Variants in LIMCH1 observed in about 807,000 individuals in gnomAD.
LIMCH1 encodes LIM and calponin homology domains-containing protein 1.
A neutral mutation model predicts 176.5 loss-of-function variants in LIMCH1; 113 were observed. That is an observed-to-expected ratio of 0.64 (90% CI 0.55 to 0.75). The LOEUF (loss-of-function observed/expected upper bound fraction) is 0.75, where lower values mean the gene tolerates loss of function less well. LIMCH1 is among the 30% of genes least tolerant of loss of function. The pLI is 0.00. For missense variants in LIMCH1, 1,674 were observed against 1,814.9 expected (o/e 0.92, Z 1.41); for synonymous variants, 619 against 645.9 (o/e 0.96, Z 0.63).
At chr4:41,603,316 T>TG (rs1479867709) in intron 2 of LIMCH1, among the ~76,000 whole-genome samples, 1 of 152,234 alleles carries the variant, frequency 6.6e-6, no homozygotes, top group Non-Finnish European at 1.5e-5. Flanking sequence ...TATTTGAGCA[T>TG]GCATGTGTGT....
chr4:41,498,297 C>T (rs1303859044), intron 2 of LIMCH1, among the ~76,000 whole-genome samples: 3 of 152,060 alleles, frequency 2.0e-5, no homozygotes, highest in East Asian at 3.9e-4. Flanking sequence ...AATGGAATAC[C>T]CTCAAAATCA....
chr4:41,579,826 T>C (rs760667467), intron 1 of LIMCH1, among the ~76,000 whole-genome samples: 1 of 152,226 alleles, frequency 6.6e-6, no homozygotes, highest in Non-Finnish European at 1.5e-5. Context: ...TGTAGCGGTC[T>C]GTTTGTTTCT....
intron 7 of LIMCH1, among the ~76,000 whole-genome samples, chr4:41,621,647 G>A (rs531839702): frequency 5.9e-5 from 9 of 152,052 alleles, no homozygotes; most frequent in South Asian, 2.1e-4. Context: ...GATTACAAGC[G>A]TGTACCACCA....
chr4:41,678,523 C>T (rs775723871), intron 23 of LIMCH1, among the ~76,000 whole-genome samples: 2 of 152,164 alleles, frequency 1.3e-5, no homozygotes, highest in Non-Finnish European at 2.9e-5. Context: ...TGGTGAACAG[C>T]CAAGAGTCAG....
At chr4:41,571,150 G>A (rs370767626) in intron 1 of LIMCH1, among the ~76,000 whole-genome samples, 2 of 152,062 alleles carry the variant, frequency 1.3e-5, no homozygotes, top group Non-Finnish European at 1.5e-5. Flanking sequence ...AGGAGAGAAT[G>A]TGTGGCTCAG....
intron 13 of LIMCH1, among the ~76,000 whole-genome samples, chr4:41,634,764 T>C (rs1240084286): frequency 1.3e-5 from 2 of 152,168 alleles, no homozygotes; most frequent in African/African-American, 4.8e-5. Flanking sequence ...GTTGAAGGAA[T>C]CTATGTTAGC....
intron 1 of LIMCH1, among the ~76,000 whole-genome samples, chr4:41,587,449 C>T (rs745753396): frequency 9.9e-5 from 15 of 152,096 alleles, no homozygotes; most frequent in Non-Finnish European, 1.6e-4. Context: ...GACGGGGTGC[C>T]AGCCTTCAAT....
rs766825045 is a variant in LIMCH1 at position 41,629,614 on chromosome 4, A to G, written c.1151A>G (p.Gln384Arg). 2.0e-6 allele frequency: 3 copies of G among 1,536,106 alleles called. No individual in the cohort carries two copies. The South Asian group carries it at 3.6e-5, about 18-fold the overall frequency. ...VPDLHKDDLA[Q>R]QRIQGSLAPH... Reference sequence around the variant, plus strand: ...GATCTTCACAAGGATGACCTGGCCCAGCAGAGAATTCAGGGCAGCCTTGCC... The same window carrying G: ...GATCTTCACAAGGATGACCTGGCCCGGCAGAGAATTCAGGGCAGCCTTGCC... Residue 384 changes from glutamine to arginine, a missense_variant, in exon 9 of 32, where the codon CAG (glutamine) becomes CGG (arginine). Transcript: ENST00000503057.
chr4:41,505,432 A>G (rs746693259), intron 2 of LIMCH1, among the ~76,000 whole-genome samples: 1 of 152,186 alleles, frequency 6.6e-6, no homozygotes, highest in Non-Finnish European at 1.5e-5. Flanking sequence ...GTGATCAAAA[A>G]CTGGGCAAGA....
At chr4:41,523,475 A>G (rs189885341) in intron 2 of LIMCH1, among the ~76,000 whole-genome samples, 218 of 152,306 alleles carry the variant, frequency 1.4e-3, no homozygotes, top group Non-Finnish European at 2.6e-3. Flanking sequence ...TGACCTCTCA[A>G]TTATGATACA....
chr4:41,400,971 T>C (rs1244768753), intron 1 of LIMCH1, among the ~76,000 whole-genome samples: 1 of 152,196 alleles, frequency 6.6e-6, no homozygotes, highest in Non-Finnish European at 1.5e-5. Flanking sequence ...TTTTCTCCCA[T>C]TTTGTAGGTT....
intron 1 of LIMCH1, among the ~76,000 whole-genome samples, chr4:41,402,056 C>G (rs2058497467): frequency 6.6e-6 from 1 of 152,184 alleles, no homozygotes; most frequent in African/African-American, 2.4e-5. Context: ...CTGGCCAGAA[C>G]TTCCAACACT....
chr4:41,563,870 G>A (rs10026397), intron 1 of LIMCH1, among the ~76,000 whole-genome samples: 54,515 of 152,034 alleles, frequency 0.36, 15,729 homozygotes, highest in African/African-American at 0.8. Flanking sequence ...TCTTGGACCA[G>A]CTATCAGAAA....
chr4:41,510,909 T>C (rs1346779433), intron 2 of LIMCH1, among the ~76,000 whole-genome samples: 1 of 152,144 alleles, frequency 6.6e-6, no homozygotes, highest in Non-Finnish European at 1.5e-5. Context: ...TTTAAAAAGT[T>C]AACTATGAAG....
intron 2 of LIMCH1, among the ~76,000 whole-genome samples, chr4:41,601,781 A>T (rs1316180377): frequency 1.3e-5 from 2 of 152,160 alleles, no homozygotes; most frequent in Non-Finnish European, 2.9e-5. Context: ...TGTATTTTTG[A>T]TAAGTGATGC....
chr4:41,478,454 T>G (rs2068073057), intron 1 of LIMCH1, among the ~76,000 whole-genome samples: 1 of 152,258 alleles, frequency 6.6e-6, no homozygotes, highest in Non-Finnish European at 1.5e-5. Flanking sequence ...TGTTTTATTT[T>G]CATTTGGTAA....
rs1419990934 is a variant in LIMCH1 at position 41,626,954 on chromosome 4, T to C, written c.972T>C (p.Asp324=). ...CAAAGAAAGGGGCAGAGAAATCAGATGGCAGCAAACAGCTCTCAAAGGGAA... is the reference window on the plus strand; with the variant it reads ...CAAAGAAAGGGGCAGAGAAATCAGACGGCAGCAAACAGCTCTCAAAGGGAA... ...PYPKKGAEKS[D]GSKQLSKGIS... is the part of the protein sequence containing the mutation. Residue 324 remains aspartate, a synonymous_variant, in exon 8 of 32, where the codon GAT becomes GAC. Coordinates refer to ENST00000503057, the MANE Select transcript of LIMCH1 (RefSeq NM_001330672.2). 2 of 1,535,448 alleles carry C rather than the reference T, an allele frequency of 1.3e-6. No homozygotes were observed. The highest frequency in any genetic ancestry group is 1.7e-6 in the Non-Finnish European group (2 of 1,146,828).
intron 1 of LIMCH1, among the ~76,000 whole-genome samples, chr4:41,575,800 C>CA (rs1303009092): frequency 1.3e-5 from 2 of 152,178 alleles, no homozygotes; most frequent in African/African-American, 4.8e-5. Flanking sequence ...ACAATTCTAG[C>CA]AGATACTCCC....
chr4:41,564,905 C>T (rs1016452069), intron 1 of LIMCH1, among the ~76,000 whole-genome samples: 11 of 152,172 alleles, frequency 7.2e-5, no homozygotes, highest in African/African-American at 2.7e-4. Flanking sequence ...ACTCATTTCT[C>T]TCTCCTACTG....
Sources: gnomAD v4.1 joint callset for allele counts (sites outside exome capture counted in the v4.1 genomes callset) on GRCh38, gnomAD v4.1.1 for gene constraint, MANE v1.5 for transcripts, NCBI Gene and HGNC (gene_info 2026-07-23, HGNC 2026-07-21) for gene names.